The following NPC1 variants were observed in gnomAD, a reference collection of about 807,000 sequenced individuals.
NPC1 encodes the protein NPC intracellular cholesterol transporter 1.
Under a neutral mutation model 140.4 loss-of-function variants are expected in NPC1, and 85 were observed. The ratio of observed to expected loss-of-function variants is 0.61; its 90% CI spans 0.51 to 0.72. The LOEUF (loss-of-function observed/expected upper bound fraction) is 0.72. Ranked by LOEUF, NPC1 falls within the 30% of genes least tolerant of loss-of-function variation. The probability of loss-of-function intolerance (pLI) is 0.00; values close to 1 mark genes in which losing one functional copy is unlikely to be tolerated. For synonymous variants in NPC1, 656 were observed against 624.8 expected (o/e 1.05, Z -0.74); for missense variants, 1,504 against 1,623.8 (o/e 0.93, Z 1.27).
intron 3 of NPC1, chr18:23,516,346 A>G: frequency 6.2e-7 from 1 of 1,614,238 alleles, no homozygotes; most frequent in Non-Finnish European, 8.5e-7. Flanking sequence ...AGCTGCCCAA[A>G]TTTGAGATTG....
chr18:23,532,209 T>G lies in NPC1; in HGVS notation c.3830A>C (p.Asn1277Thr), dbSNP rs745328444. 1.2e-6 allele frequency: 2 copies of G among 1,614,008 alleles called. No individual in the cohort carries two copies. Among genetic ancestry groups the G allele is most frequent in the South Asian group, 1.1e-5 (1 of 91,072 alleles). The change falls in exon 25 of 25, where the codon AAT (asparagine) becomes ACT (threonine). Residue 1277 changes from asparagine to threonine, a missense_variant. Asn to Thr is a moderately conservative substitution (Grantham distance 65). Transcript: ENST00000269228. ...YKGTERERLL[N>T]F ...GGATGCCCTGCGAGAGGGCTAGAAA[T>G]TTAGAAGCCGTTCGCGCTCTGTTCC...
chr18:23,546,506 C>G (rs149021555), intron 11 of NPC1, among the ~76,000 whole-genome samples: 1 of 152,252 alleles, frequency 6.6e-6, no homozygotes, highest in African/African-American at 2.4e-5. Flanking sequence ...CTCAGCAATT[C>G]TACTACTAGG....
chr18:23,555,167 C>T (rs574706631), intron 8 of NPC1, among the ~76,000 whole-genome samples, 183 bp from the exon 9 acceptor site: 1 of 152,232 alleles, frequency 6.6e-6, no homozygotes, highest in Non-Finnish European at 1.5e-5. Context: ...CAGGCCCACT[C>T]TAACAGCAAA....
At chr18:23,571,626 C>T (rs1013486868) in intron 3 of NPC1, among the ~76,000 whole-genome samples, 1 of 149,816 alleles carries the variant, frequency 6.7e-6, no homozygotes, top group African/African-American at 2.5e-5. Flanking sequence ...TGTACTCCAG[C>T]CTCGGTGACA....
chr18:23,562,631 GA>G (rs2059060282), intron 4 of NPC1, among the ~76,000 whole-genome samples: 1 of 152,098 alleles, frequency 6.6e-6, no homozygotes, highest in Non-Finnish European at 1.5e-5. Flanking sequence ...TGGCTGGTAA[GA>G]AAATCTCCAA....
intron 4 of NPC1, 50 bp downstream of exon 4, chr18:23,568,773 T>G (rs761993084): frequency 6.9e-7 from 1 of 1,453,016 alleles, no homozygotes; most frequent in Admixed American, 1.7e-5. Flanking sequence ...CAATTTGCTC[T>G]GCTGTCCTGA....
At chr18:23,578,636 C>T (rs539924899) in intron 1 of NPC1, among the ~76,000 whole-genome samples, 4 of 152,236 alleles carry the variant, frequency 2.6e-5, no homozygotes, top group Non-Finnish European at 5.9e-5. Flanking sequence ...GTCCCTTCAC[C>T]TGCACCTCCC....
chr18:23,540,314 T>C, intron 17 of NPC1, 134 bp downstream of exon 17: 3 of 710,734 alleles, frequency 4.2e-6, no homozygotes, highest in South Asian at 3.2e-5. Flanking sequence ...ACAGTTCTCC[T>C]AACCCTGGAA....
At chr18:23,552,010 C>T (rs2058879936) in intron 9 of NPC1, among the ~76,000 whole-genome samples, 1 of 152,052 alleles carries the variant, frequency 6.6e-6, no homozygotes, top group African/African-American at 2.4e-5. Flanking sequence ...AAAATTATAG[C>T]CAAGAGGAAG....
At chr18:23,533,189 T>C (rs950758944) in intron 24 of NPC1, 166 bp downstream of exon 24, 7 of 788,464 alleles carry the variant, frequency 8.9e-6, no homozygotes, top group Non-Finnish European at 1.4e-5. Context: ...ATGAATCCCC[T>C]GGATGGGTTT....
At chr18:23,578,127 A>C (rs945534332) in intron 1 of NPC1, among the ~76,000 whole-genome samples, 3 of 152,226 alleles carry the variant, frequency 2.0e-5, no homozygotes, top group Admixed American at 6.5e-5. Flanking sequence ...CCAAAGTGGG[A>C]GCCCAGGCAG....
intron 4 of NPC1, among the ~76,000 whole-genome samples, chr18:23,562,866 G>T (rs927236293): frequency 6.6e-6 from 1 of 151,978 alleles, no homozygotes; most frequent in African/African-American, 2.4e-5. Context: ...GTGTGGTGGC[G>T]CTATATAATT....
chr18:23,584,488 T>A (rs2059392173), intron 1 of NPC1, among the ~76,000 whole-genome samples: 1 of 152,224 alleles, frequency 6.6e-6, no homozygotes, highest in Admixed American at 6.5e-5. Context: ...ACCTCTGACC[T>A]ATCCCAAATG....
chr18:23,532,205 G>C lies in NPC1; in HGVS notation c.3834C>G (p.Phe1278Leu), dbSNP rs756788252. The C allele has an allele frequency of 6.2e-7, 1 of 1,614,152 alleles. No homozygotes were observed. Among genetic ancestry groups the C allele is most frequent in the Non-Finnish European group, 8.5e-7 (1 of 1,180,046 alleles). Residue 1278 changes from phenylalanine to leucine, a missense_variant, in exon 25 of 25, where the codon TTC (phenylalanine) becomes TTG (leucine). By Grantham distance (22) the Phe-to-Leu change is conservative. Transcript: ENST00000269228. ...KGTERERLLN[F>L] ...GTCAGGATGCCCTGCGAGAGGGCTAGAAATTTAGAAGCCGTTCGCGCTCTG... is the reference window on the plus strand; with the variant it reads ...GTCAGGATGCCCTGCGAGAGGGCTACAAATTTAGAAGCCGTTCGCGCTCTG...
Position 23,544,988 on chromosome 18 carries a change from C to T in NPC1, c.1919G>A (p.Gly640Glu). The T allele has an allele frequency of 7.1e-7, 1 of 1,404,316 alleles. No homozygotes were observed. The highest frequency in any genetic ancestry group is 9.8e-7 in the Non-Finnish European group (1 of 1,025,006). The allele number at this position is 1,404,316 out of a possible 1,614,324, so 87.0% of individuals were successfully genotyped here. ...AAGCCTGCGACAGCTTTTCATGTGC[C>T]CCAAGGCTAGGGAAATATATAGAAA... Reference protein sequence around the residue: ...IMFLYISLALGHMKSCRRLLV... With the variant: ...IMFLYISLALEHMKSCRRLLV... The change falls in exon 12 of 25, where the codon GGG becomes GAG. Residue 640 changes from glycine (G) to glutamate (E), a missense_variant. By Grantham distance (98) the Gly-to-Glu change is moderately conservative (BLOSUM62 -2). Coordinates refer to ENST00000269228, the MANE Select transcript of NPC1 (RefSeq NM_000271.5).
In NPC1 at chr18:23,532,168, A is replaced by C; in HGVS notation, c.*34T>G. On this transcript the variant is annotated 3_prime_UTR_variant, in exon 25 of 25. Transcript: ENST00000269228. ...TCCAGTGGTAAACCGACCGACCCTT[A>C]GACACAGTTCAGTCAGGATGCCCTG... 1.2e-6 allele frequency: 2 copies of C among 1,614,066 alleles called. No individual in the cohort carries two copies. The highest frequency in any genetic ancestry group is 1.7e-5 in the Admixed American group (1 of 59,996).
intron 3 of NPC1, among the ~76,000 whole-genome samples, chr18:23,510,304 G>A (rs1301172486): frequency 6.7e-6 from 1 of 150,172 alleles, no homozygotes; most frequent in Non-Finnish European, 1.5e-5. Flanking sequence ...CAGCCTGGAT[G>A]ACAGTGAGAC....
Position 23,556,342 on chromosome 18 carries a change from G to A in NPC1, c.1227C>T (p.Ile409=), listed in dbSNP as rs1277578067. Residue 409 remains isoleucine, a synonymous_variant, in exon 8 of 25, where the codon ATC becomes ATT. Transcript: ENST00000269228. The part of the protein sequence containing the change: ...FGPFFRTEQL[I]IRAPLTDKHI... Reference sequence around the variant, plus strand: ...GTTTGTCAGTGAGAGGGGCCCGGATGATGAGCTGCTCCGTCCGGAAGAAAG... The same window carrying A: ...GTTTGTCAGTGAGAGGGGCCCGGATAATGAGCTGCTCCGTCCGGAAGAAAG... The A allele has an allele frequency of 6.2e-7, 1 of 1,614,134 alleles. No individual in the cohort carries two copies. Among genetic ancestry groups the A allele is most frequent in the South Asian group, 1.1e-5 (1 of 91,086 alleles).
rs778177842 is a variant in NPC1, at chr18:23,572,157, A to C, written c.204T>G (p.Phe68Leu). The part of the protein sequence containing the change: ...LVQELCPGFF[F>L]GNVSLCCDVR... ...CATCACAACAGAGACTGACATTGCC[A>C]AAGAAGAATCCTGGACAGAGTTCCT... is the stretch of plus-strand genomic sequence containing the variant. The change falls in exon 3 of 25, where the codon TTT becomes TTG. Residue 68 changes from phenylalanine (F) to leucine (L), a missense_variant. Transcript: ENST00000269228. The C allele has an allele frequency of 2.2e-5, 36 of 1,613,148 alleles. No individual in the cohort carries two copies. Among genetic ancestry groups the C allele is most frequent in the Non-Finnish European group, 3.1e-5 (36 of 1,179,480 alleles).
Sources: allele counts gnomAD v4.1 joint callset (sites outside exome capture counted in the v4.1 genomes callset), GRCh38; gene constraint gnomAD v4.1.1; transcripts MANE v1.5; gene names NCBI Gene and HGNC (gene_info 2026-07-23, HGNC 2026-07-21).